Variants in OPCML observed in about 807,000 individuals in gnomAD.
OPCML encodes the protein opioid binding protein/cell adhesion molecule like.
Under a neutral mutation model 37.8 loss-of-function variants are expected in OPCML, and 13 were observed. The ratio of observed to expected loss-of-function variants is 0.34; its 90% confidence interval spans 0.22 to 0.55. The LOEUF (loss-of-function observed/expected upper bound fraction) is 0.55, where lower values mean the gene tolerates loss of function less well. Among genes scored for constraint, OPCML ranks in the 20% least tolerant of loss-of-function variants. OPCML has a pLI of 0.91. For synonymous variants in OPCML, 176 were observed against 168.8 expected (o/e 1.04, Z -0.33); for missense variants, 341 against 435.6 (o/e 0.78, Z 1.93).
At chr11:132,712,103 A>C (rs1485776738) in intron 2 of OPCML, among the ~76,000 whole-genome samples, 3 of 152,318 alleles carry the variant, frequency 2.0e-5, no homozygotes, top group South Asian at 2.1e-4. Context: ...GCAGGAAGCC[A>C]TTCCCAGAGA....
Position 133,005,127 on chromosome 11 carries a change from A to G in OPCML, c.62-62117T>C. On this transcript the variant is annotated intron_variant, in intron 1 of 7. Transcript: ENST00000524381. ...AGTTTAGAATGAAATCCAAACTTAG[A>G]ATGAAATCCCTGCCTGCTCCTGCAC... The G allele has an allele frequency of 3.0e-6, 3 of 985,322 alleles. No individual in the cohort carries two copies. In the South Asian group the frequency reaches 1.4e-4, roughly 46 times the overall value. 61.0% of individuals were successfully genotyped at this position (985,322 alleles called of 1,614,324 possible). A position where few individuals can be genotyped will look rare whatever the true frequency, so the allele number is the denominator to read the frequency against.
chr11:133,099,425 G>C (rs893712858), intron 1 of OPCML, among the ~76,000 whole-genome samples: 2 of 148,542 alleles, frequency 1.3e-5, no homozygotes, highest in Non-Finnish European at 3.0e-5. Flanking sequence ...ACCACACCTG[G>C]CTAATTTTCT....
At chr11:133,285,135 C>T (rs553956688) in intron 1 of OPCML, among the ~76,000 whole-genome samples, 3 of 152,146 alleles carry the variant, frequency 2.0e-5, no homozygotes, top group South Asian at 2.1e-4. Flanking sequence ...ACCCAAGACA[C>T]GGAAGAGTAT....
Position 132,885,841 on chromosome 11 carries a change from C to T in OPCML, c.146+57085G>A, listed in dbSNP as rs546428362. The stretch of plus-strand genomic sequence containing the variant: ...TTTCTCTTGGCATGTAACATTTCCC[C>T]TCCCTGAGTCCTCATTCCCCCTATC... On this transcript the variant is annotated intron_variant, in intron 2 of 7. Transcript: ENST00000524381. Among the ~76,000 whole-genome samples, 55 of 152,292 alleles carry T rather than the reference C, an allele frequency of 3.6e-4. No individual in the cohort carries two copies. The South Asian group carries it at 7.5e-3, about 21-fold the overall frequency.
chr11:133,235,580 G>A (rs781617341), intron 1 of OPCML, among the ~76,000 whole-genome samples: 5 of 152,224 alleles, frequency 3.3e-5, no homozygotes, highest in Non-Finnish European at 5.9e-5. Context: ...AGACATGGCA[G>A]AAGTCAGAAC....
intron 1 of OPCML, among the ~76,000 whole-genome samples, chr11:132,999,835 T>C (rs1946964019): frequency 6.6e-6 from 1 of 152,224 alleles, no homozygotes; most frequent in Non-Finnish European, 1.5e-5. Context: ...GACAGGGGTC[T>C]ATCTCAGGGC....
intron 1 of OPCML, among the ~76,000 whole-genome samples, chr11:133,492,698 C>T (rs1003757386): frequency 3.6e-5 from 5 of 140,384 alleles, no homozygotes; most frequent in East Asian, 2.0e-4. Context: ...AAGAGCTAAG[C>T]AGGCAATTAC....
At chr11:132,926,094 C>T (rs755480196) in intron 2 of OPCML, among the ~76,000 whole-genome samples, 1 of 152,192 alleles carries the variant, frequency 6.6e-6, no homozygotes, top group Non-Finnish European at 1.5e-5. Flanking sequence ...ACACGTGGTT[C>T]CTGACCACCA....
At chr11:132,703,047 C>T (rs1943892539) in intron 2 of OPCML, among the ~76,000 whole-genome samples, 1 of 152,044 alleles carries the variant, frequency 6.6e-6, no homozygotes, top group Non-Finnish European at 1.5e-5. Context: ...CAGGCAGTTC[C>T]TATATTTCCA....
rs58441925 is a variant in OPCML at position 133,125,746 on chromosome 11, GTA to G, written c.62-182738_62-182737del. 5.2e-3 allele frequency among the ~76,000 whole-genome samples: 335 copies of G among 64,922 alleles called. 2 individuals carry two copies. The highest frequency in any genetic ancestry group is 0.017 in the African/African-American group (313 of 18,480). 42.6% of individuals were successfully genotyped at this position (64,922 alleles called of 152,430 possible). On this transcript the variant is annotated intron_variant, in intron 1 of 7. Transcript: ENST00000524381. ...ATATAGTATATATAGTATATATATA[GTA>G]TATATATACATGTATATATAGACAC...
In OPCML at chr11:133,040,643, G is replaced by A. The variant is rs1462653485; in HGVS notation, c.62-97633C>T. On this transcript the variant is annotated intron_variant, in intron 1 of 7. Transcript: ENST00000524381. The stretch of plus-strand genomic sequence containing the variant: ...CCTTGTGTAGAAGTGGCAGGACATC[G>A]TCCAGGCCTGTGCCCATCAGGAATG... Among the ~76,000 whole-genome samples, 6 of 152,146 alleles carry A rather than the reference G, an allele frequency of 3.9e-5. No homozygotes were observed. In the South Asian group the frequency reaches 8.3e-4, roughly 21 times the overall value.
intron 3 of OPCML, among the ~76,000 whole-genome samples, chr11:132,568,308 A>G (rs1352106518): frequency 6.6e-6 from 1 of 152,188 alleles, no homozygotes; most frequent in Non-Finnish European, 1.5e-5. Context: ...GAAGAAACCT[A>G]TATTTCCACT....
intron 1 of OPCML, chr11:133,359,887 A>T (rs1054453343): frequency 2.6e-5 from 4 of 152,240 alleles, no homozygotes; most frequent in African/African-American, 9.6e-5. Context: ...TATCCATTAA[A>T]AGGCTTTTAT....
chr11:132,858,675 AT>A (rs61519191), intron 2 of OPCML, among the ~76,000 whole-genome samples: 4,357 of 152,252 alleles, frequency 0.029, 121 homozygotes, highest in East Asian at 0.11. Context: ...TCTGAGTGTC[AT>A]TTTCTCATCC....
chr11:132,520,343 C>A (rs2096289742), intron 4 of OPCML, among the ~76,000 whole-genome samples: 1 of 152,092 alleles, frequency 6.6e-6, no homozygotes, highest in Non-Finnish European at 1.5e-5. Context: ...AGCTGTGATT[C>A]ATTTGTCATT....
chr11:132,604,919 G>A (rs1215825994), intron 3 of OPCML, among the ~76,000 whole-genome samples: 3 of 152,142 alleles, frequency 2.0e-5, no homozygotes, highest in Non-Finnish European at 4.4e-5. Context: ...TCTGAGCTAA[G>A]GAACTTGGAA....
At chr11:133,097,193 T>C (rs187616850) in intron 1 of OPCML, among the ~76,000 whole-genome samples, 83 of 152,202 alleles carry the variant, frequency 5.5e-4, no homozygotes, top group African/African-American at 1.9e-3. Flanking sequence ...AATTGCGCAA[T>C]GTGTGATCTC....
chr11:132,479,125 G>A (rs534698620), intron 4 of OPCML, among the ~76,000 whole-genome samples: 10 of 152,250 alleles, frequency 6.6e-5, no homozygotes, highest in African/African-American at 1.9e-4. Context: ...CTGAGGTAAC[G>A]GGTTCATCAC....
intron 2 of OPCML, among the ~76,000 whole-genome samples, chr11:132,797,013 C>G (rs1938364522): frequency 6.6e-6 from 1 of 152,148 alleles, no homozygotes; most frequent in Non-Finnish European, 1.5e-5. Flanking sequence ...ATAAAAATCT[C>G]TTAACAAATA....
Sources: gnomAD v4.1 joint callset for allele counts (sites outside exome capture counted in the v4.1 genomes callset) on GRCh38, gnomAD v4.1.1 for gene constraint, MANE v1.5 for transcripts, NCBI Gene and HGNC (gene_info 2026-07-23, HGNC 2026-07-21) for gene names.